The following UNC80 variants were observed in gnomAD, a reference collection of about 807,000 sequenced individuals.
UNC80 encodes protein unc-80 homolog.
In UNC80, 164 loss-of-function variants were observed where a neutral mutation model predicts 384.6. The observed-to-expected ratio is 0.43, with a 90% CI of 0.38 to 0.49. The LOEUF (loss-of-function observed/expected upper bound fraction) is 0.49. Ranked by LOEUF, UNC80 falls within the 20% of genes least tolerant of loss-of-function variation. The pLI is 0.00. For synonymous variants in UNC80, 1,486 were observed against 1,527.8 expected, an observed-to-expected ratio of 0.97 and a Z score of 0.64; for missense variants, 3,330 against 4,143.0, an observed-to-expected ratio of 0.80 and a Z score of 5.39.
intron 7 of UNC80, among the ~76,000 whole-genome samples, chr2:209,808,083 C>T (rs1170142313): frequency 6.6e-6 from 1 of 152,248 alleles, no homozygotes; most frequent in Non-Finnish European, 1.5e-5. Flanking sequence ...AGCCCATCAT[C>T]TGCTGAACTA....
intron 32 of UNC80, 81 bp from the exon 33 acceptor site, chr2:209,918,451 A>C: frequency 7.0e-7 from 1 of 1,431,224 alleles, no homozygotes; most frequent in East Asian, 2.5e-5. Flanking sequence ...ACTTCCTGAG[A>C]CAGATTGTGT....
At chr2:209,776,751 G>T (rs1202176644) in intron 3 of UNC80, among the ~76,000 whole-genome samples, 1 of 152,208 alleles carries the variant, frequency 6.6e-6, no homozygotes, top group Non-Finnish European at 1.5e-5. Context: ...TTCCAGCTTT[G>T]TAGTACTGTG....
chr2:209,785,713 GATA>G lies in UNC80; in HGVS notation c.601-345_601-343del, dbSNP rs1214363974. On this transcript the variant is annotated intron_variant, in intron 4 of 64. Transcript: ENST00000673920. Reference sequence around the variant, plus strand: ...GGACAACTAAAAAATTAAGAGGAATGATAATAATAACCAAAGTGAAGAGATCTG... The same window carrying G: ...GGACAACTAAAAAATTAAGAGGAATGATAATAACCAAAGTGAAGAGATCTG... Among the ~76,000 whole-genome samples the G allele has an allele frequency of 1.4e-4, 21 of 152,286 alleles. 1 individual carries two copies. The South Asian group carries it at 3.7e-3, about 27-fold the overall frequency.
At chr2:209,904,243 C>G (rs555512481) in intron 28 of UNC80, among the ~76,000 whole-genome samples, 1 of 152,256 alleles carries the variant, frequency 6.6e-6, no homozygotes, top group East Asian at 1.9e-4. Context: ...GGAAATGAAA[C>G]TGTACAGTAA....
chr2:209,930,925 A>G, intron 37 of UNC80, 43 bp from the exon 38 acceptor site: 1 of 1,359,452 alleles, frequency 7.4e-7, no homozygotes, highest in Non-Finnish European at 1.0e-6. Context: ...TTTCTACAGC[A>G]TGGCAGCTGA....
At chr2:209,972,938 A>C in intron 55 of UNC80, 126 bp from the exon 56 acceptor site, 1 of 804,846 alleles carries the variant, frequency 1.2e-6, no homozygotes, top group South Asian at 1.8e-5. Context: ...TTGATGGGAA[A>C]CACCTGAATT....
At position 209,813,601 on chromosome 2, in the gene UNC80, G is replaced by A. The variant is rs989128759; in HGVS notation, c.960G>A (p.Pro320=). Reference sequence around the variant, plus strand: ...ACAGGGCCTCTCTTGTGATACCTCCGTGCCAAAGGTCCCGCTATGCCACCT... The same window carrying A: ...ACAGGGCCTCTCTTGTGATACCTCCATGCCAAAGGTCCCGCTATGCCACCT... ...SHSRASLVIP[P]CQRSRYATYF... Residue 320 remains proline, a synonymous_variant, in exon 8 of 65, where the codon CCG becomes CCA. Coordinates refer to ENST00000673920, the MANE Select transcript of UNC80 (RefSeq NM_001371986.1). 4.8e-5 allele frequency: 75 copies of A among 1,551,380 alleles called. No homozygotes were observed. The highest frequency in any genetic ancestry group is 7.8e-5 in the Admixed American group (4 of 50,972).
At chr2:209,821,235 A>G (rs1002768890) in intron 13 of UNC80, among the ~76,000 whole-genome samples, 6 of 152,002 alleles carry the variant, frequency 3.9e-5, no homozygotes, top group Non-Finnish European at 8.8e-5. Flanking sequence ...CAGAGAAAGC[A>G]AAAGAGAGAG....
In UNC80 at chr2:209,888,137, C is replaced by T. The variant is rs1222764717; in HGVS notation, c.4153C>T (p.Arg1385Trp). Residue 1385 changes from arginine to tryptophan, a missense_variant, in exon 26 of 65, where the codon CGG becomes TGG. Transcript: ENST00000673920. ...CRLRLDPELD[R>W]HRYERKISFA... ...ACTTCGTTTGGATCCCGAGTTGGACCGGCACAGATATGAGAGGAAGATCAG... is the reference window on the plus strand; with the variant it reads ...ACTTCGTTTGGATCCCGAGTTGGACTGGCACAGATATGAGAGGAAGATCAG... 6.4e-7 allele frequency: 1 copy of T among 1,551,564 alleles called. No homozygotes were observed.
intron 28 of UNC80, among the ~76,000 whole-genome samples, chr2:209,902,547 G>A (rs1210812814): frequency 1.3e-5 from 2 of 152,074 alleles, no homozygotes; most frequent in African/African-American, 4.8e-5. Flanking sequence ...CTTCTTCATT[G>A]TCTAATTTAA....
intron 21 of UNC80, among the ~76,000 whole-genome samples, chr2:209,847,653 CT>C (rs1487917511): frequency 1.3e-4 from 19 of 151,960 alleles, no homozygotes; most frequent in Non-Finnish European, 2.5e-4. Context: ...AATGGCATTT[CT>C]TTTAGTAGTA....
intron 4 of UNC80, among the ~76,000 whole-genome samples, chr2:209,780,647 G>A (rs530730588): frequency 6.6e-6 from 1 of 152,262 alleles, no homozygotes; most frequent in South Asian, 2.1e-4. Flanking sequence ...CATTGCTCCT[G>A]AGTTGTGCCA....
chr2:209,818,336 AT>A (rs111960749), intron 11 of UNC80, among the ~76,000 whole-genome samples: 15,140 of 144,250 alleles, frequency 0.1, 1,844 homozygotes, highest in African/African-American at 0.28. Context: ...AAGGCCACCA[AT>A]TTTTTTTTTT....
At chr2:209,793,016 G>A (rs1574466531) in intron 6 of UNC80, among the ~76,000 whole-genome samples, 1 of 152,254 alleles carries the variant, frequency 6.6e-6, no homozygotes, top group East Asian at 1.9e-4. Context: ...ATTGAATAAT[G>A]CCTTATTTTG....
In UNC80 at chr2:209,840,655, A is replaced by G; in HGVS notation, c.3357+7A>G. 1 of 1,550,560 alleles carries G rather than the reference A, an allele frequency of 6.4e-7. No homozygotes were observed. On this transcript the variant is annotated splice_region_variant and intron_variant, in intron 20 of 64. Transcript: ENST00000673920. ...CATCAGGCAAAGCTCCAAGGTAAAC[A>G]GGACATAACTTGTGTAAGTGACTGT... is the stretch of plus-strand genomic sequence containing the variant.
chr2:209,933,862 G>A lies in UNC80; in HGVS notation c.6035G>A (p.Trp2012Ter). The change falls in exon 39 of 65, where the codon TGG becomes TAG. Residue 2012 changes from tryptophan (W) to a stop codon, truncating the protein, a stop_gained. Transcript: ENST00000673920. LOFTEE classifies it high-confidence loss of function. Reference protein sequence around the residue: ...IMYFVRTPCEWGMDAISATLT... With the variant: ...IMYFVRTPCE Reference sequence around the variant, plus strand: ...TACTTTGTGCGGACCCCCTGCGAGTGGGGGATGGATGCCATTTCAGCCACC... The same window carrying A: ...TACTTTGTGCGGACCCCCTGCGAGTAGGGGATGGATGCCATTTCAGCCACC... 1 of 1,551,290 alleles carries A rather than the reference G, an allele frequency of 6.4e-7. No homozygotes were observed. Among genetic ancestry groups the A allele is most frequent in the Non-Finnish European group, 8.7e-7 (1 of 1,146,800 alleles).
intron 35 of UNC80, among the ~76,000 whole-genome samples, chr2:209,925,210 C>T (rs2090335434): frequency 6.6e-6 from 1 of 151,712 alleles, no homozygotes. Context: ...TACGGAAGAA[C>T]AGATTTCAGG....
At chr2:209,777,594 TG>T in intron 4 of UNC80, 35 bp downstream of exon 4, 1 of 1,568,242 alleles carries the variant, frequency 6.4e-7, no homozygotes, top group East Asian at 2.2e-5. Context: ...CTGGAGTGGG[TG>T]GAGATGTGGT....
intron 31 of UNC80, among the ~76,000 whole-genome samples, chr2:209,916,690 G>A (rs1296069056): frequency 6.6e-6 from 1 of 152,152 alleles, no homozygotes; most frequent in Non-Finnish European, 1.5e-5. Context: ...TTCTATAGAT[G>A]AGCAAACTTG....
Sources: allele counts gnomAD v4.1 joint callset (sites outside exome capture counted in the v4.1 genomes callset), GRCh38; gene constraint gnomAD v4.1.1; transcripts MANE v1.5; gene names NCBI Gene and HGNC (gene_info 2026-07-23, HGNC 2026-07-21).